MEIS2: variants seen among roughly 807,000 people sequenced by gnomAD.
MEIS2 encodes the protein Meis homeobox 2, also known as homeobox protein Meis2.
Under a neutral mutation model 58.6 loss-of-function variants are expected in MEIS2, and 9 were observed. The observed-to-expected ratio is 0.15, with a 90% confidence interval of 0.09 to 0.27. MEIS2 has a LOEUF of 0.27. Among genes scored for constraint, MEIS2 ranks in the 10% least tolerant of loss-of-function variants. MEIS2 has a pLI of 1.00. For missense variants in MEIS2, 427 were observed against 635.0 expected (o/e 0.67, Z 3.52); for synonymous variants, 221 against 228.4 (o/e 0.97, Z 0.29).
At chr15:37,072,652 T>G (rs1596072241) in intron 7 of MEIS2, among the ~76,000 whole-genome samples, 1 of 152,158 alleles carries the variant, frequency 6.6e-6, no homozygotes, top group African/African-American at 2.4e-5. Flanking sequence ...AAACACCCAC[T>G]GAAGGCCATC....
chr15:37,074,412 C>A (rs200322363), intron 7 of MEIS2, among the ~76,000 whole-genome samples: 2 of 151,890 alleles, frequency 1.3e-5, no homozygotes, highest in Admixed American at 6.6e-5. Flanking sequence ...TCATGTTATA[C>A]CCCAGATGAA....
intron 9 of MEIS2, among the ~76,000 whole-genome samples, chr15:36,921,721 T>C (rs1269690756): frequency 2.8e-5 from 3 of 106,238 alleles, no homozygotes; most frequent in Admixed American, 1.1e-4. Flanking sequence ...CTTGGCATTG[T>C]TGAAAAAAAA....
At chr15:37,069,994 C>T (rs766000522) in intron 7 of MEIS2, among the ~76,000 whole-genome samples, 26 of 152,052 alleles carry the variant, frequency 1.7e-4, no homozygotes, top group Admixed American at 1.1e-3. Flanking sequence ...CAACCTCCAA[C>T]TCAATGGCCG....
intron 9 of MEIS2, among the ~76,000 whole-genome samples, chr15:36,932,657 T>C (rs538348139): frequency 1.3e-5 from 2 of 152,268 alleles, no homozygotes; most frequent in East Asian, 3.9e-4. Context: ...ACTGTATGTG[T>C]GCATGTGTGT....
chr15:36,897,860 TG>T (rs1206873217), intron 9 of MEIS2: 2 of 152,178 alleles, frequency 1.3e-5, no homozygotes, highest in African/African-American at 4.8e-5. Context: ...AGGCAGGAAC[TG>T]AAAACTCACT....
chr15:36,999,431 G>T (rs911349674), intron 8 of MEIS2, among the ~76,000 whole-genome samples: 1 of 152,154 alleles, frequency 6.6e-6, no homozygotes, highest in East Asian at 1.9e-4. Flanking sequence ...CACTTAGTTT[G>T]CCTGCCTAGG....
intron 9 of MEIS2, among the ~76,000 whole-genome samples, chr15:36,912,564 T>C (rs1229437776): frequency 6.6e-6 from 1 of 152,186 alleles, no homozygotes; most frequent in South Asian, 2.1e-4. Flanking sequence ...TTTTCCTTTC[T>C]TTTTTGAACA....
chr15:36,997,320 T>C (rs561010445), intron 8 of MEIS2, among the ~76,000 whole-genome samples: 1 of 152,202 alleles, frequency 6.6e-6, no homozygotes, highest in South Asian at 2.1e-4. Context: ...TAATTTTTAT[T>C]GTCTGCCCTC....
intron 9 of MEIS2, among the ~76,000 whole-genome samples, chr15:36,913,838 T>A (rs2057154161): frequency 6.6e-6 from 1 of 152,114 alleles, no homozygotes; most frequent in African/African-American, 2.4e-5. Context: ...ACAACCCAGC[T>A]GAGGTCATGG....
At chr15:37,036,674 C>T (rs2062168072) in intron 8 of MEIS2, 140 bp downstream of exon 8, 3 of 898,512 alleles carry the variant, frequency 3.3e-6, no homozygotes, top group Admixed American at 3.4e-5. Flanking sequence ...AAAAAAAAAA[C>T]TTTAACTAGT....
At chr15:36,973,394 A>G (rs532393535) in intron 8 of MEIS2, among the ~76,000 whole-genome samples, 29 of 152,356 alleles carry the variant, frequency 1.9e-4, no homozygotes, top group South Asian at 4.1e-4. Context: ...GGAAACAGTT[A>G]AAAGCTGTTC....
chr15:37,088,394 C>T (rs1416490959), intron 6 of MEIS2, among the ~76,000 whole-genome samples: 1 of 152,118 alleles, frequency 6.6e-6, no homozygotes, highest in African/African-American at 2.4e-5. Flanking sequence ...TATCAACATA[C>T]ATAATTAAAT....
intron 9 of MEIS2, chr15:36,903,930 G>A (rs967296861): frequency 2.4e-4 from 36 of 152,184 alleles, no homozygotes; most frequent in African/African-American, 8.0e-4. Context: ...AAGAGATCAA[G>A]GTGCACTCAC....
At chr15:37,066,751 A>C (rs2141858159) in intron 7 of MEIS2, among the ~76,000 whole-genome samples, 1 of 152,276 alleles carries the variant, frequency 6.6e-6, no homozygotes, top group East Asian at 1.9e-4. Flanking sequence ...GAGAGCTTAA[A>C]GAGATAATGA....
chr15:36,916,988 T>C (rs943059078), intron 9 of MEIS2, among the ~76,000 whole-genome samples: 2 of 152,166 alleles, frequency 1.3e-5, no homozygotes, highest in African/African-American at 4.8e-5. Context: ...GGCAGTCAGA[T>C]ACACTCATGC....
At chr15:37,045,483 A>AG (rs1283658010) in intron 7 of MEIS2, among the ~76,000 whole-genome samples, 65 of 140,088 alleles carry the variant, frequency 4.6e-4, no homozygotes, top group Middle Eastern at 8.5e-3. Context: ...GAGATTAAAA[A>AG]AAAGAAGAAG....
chr15:36,997,109 C>T (rs544360997), intron 8 of MEIS2, among the ~76,000 whole-genome samples: 79 of 152,266 alleles, frequency 5.2e-4, no homozygotes, highest in African/African-American at 1.7e-3. Flanking sequence ...GGTTCTATTT[C>T]GAGCTATGCC....
At chr15:37,011,045 T>C (rs918085066) in intron 8 of MEIS2, among the ~76,000 whole-genome samples, 5 of 152,196 alleles carry the variant, frequency 3.3e-5, no homozygotes, top group South Asian at 4.1e-4. Flanking sequence ...TACGAAGACA[T>C]GACAGGGAAA....
chr15:37,043,955 T>A (rs963709516), intron 7 of MEIS2, among the ~76,000 whole-genome samples: 1 of 152,078 alleles, frequency 6.6e-6, no homozygotes, highest in South Asian at 2.1e-4. Flanking sequence ...CAAAGTGCTG[T>A]GATTACAGGC....
Sources: allele counts gnomAD v4.1 joint callset (sites outside exome capture counted in the v4.1 genomes callset), GRCh38; gene constraint gnomAD v4.1.1; transcripts MANE v1.5; gene names NCBI Gene and HGNC (gene_info 2026-07-23, HGNC 2026-07-21).